IQCB1: variants seen among roughly 807,000 people sequenced by gnomAD.
IQCB1 encodes IQ motif containing B1, also known as IQ calmodulin-binding motif-containing protein 1.
Under a neutral mutation model 84.4 loss-of-function variants are expected in IQCB1, and 56 were observed. The observed-to-expected ratio is 0.66, with a 90% CI of 0.54 to 0.83. The LOEUF (loss-of-function observed/expected upper bound fraction) is 0.83. IQCB1 is among the 40% of genes least tolerant of loss of function. IQCB1 has a pLI of 0.00. For missense variants in IQCB1, 629 were observed against 682.1 expected, an observed-to-expected ratio of 0.92 and a Z score of 0.87; for synonymous variants, 210 against 234.8, an observed-to-expected ratio of 0.89 and a Z score of 0.96.
At chr3:121,828,159 C>T (rs892194597) in intron 4 of IQCB1, among the ~76,000 whole-genome samples, 1 of 152,038 alleles carries the variant, frequency 6.6e-6, no homozygotes, top group Non-Finnish European at 1.5e-5. Context: ...AGGTACAGAG[C>T]CAGTGCCTTA....
At chr3:121,823,478 T>C (rs1251368389) in intron 5 of IQCB1, among the ~76,000 whole-genome samples, 1 of 151,904 alleles carries the variant, frequency 6.6e-6, no homozygotes, top group African/African-American at 2.4e-5. Context: ...GTGCAATATG[T>C]ATAGGAGAAT....
chr3:121,799,207 G>T lies in IQCB1; in HGVS notation c.755C>A (p.Thr252Asn), dbSNP rs1949313476. 6.2e-7 allele frequency: 1 copy of T among 1,607,286 alleles called. No individual in the cohort carries two copies. Among genetic ancestry groups the T allele is most frequent in the African/African-American group, 1.3e-5 (1 of 74,670 alleles). Residue 252 changes from threonine to asparagine, a missense_variant, in exon 8 of 15, where the codon ACC becomes AAC. Thr to Asn is a moderately conservative substitution (Grantham distance 65). Transcript: ENST00000310864. ...QEILILLRQSTCYKGLRRLLS... is the reference protein window; with the variant it reads ...QEILILLRQSNCYKGLRRLLS... Reference sequence around the variant, plus strand: ...AATGAATGTACTACCTTTGTAGCAGGTACTTTGTCTCAGTAAAATCAAAAT... The same window carrying T: ...AATGAATGTACTACCTTTGTAGCAGTTACTTTGTCTCAGTAAAATCAAAAT...
intron 7 of IQCB1, among the ~76,000 whole-genome samples, chr3:121,800,619 T>G (rs551372652): frequency 6.6e-5 from 10 of 152,034 alleles, no homozygotes; most frequent in Admixed American, 2.0e-4. Context: ...GATTAAAAAA[T>G]ATGCTCATCT....
chr3:121,774,354 T>C lies in IQCB1; in HGVS notation c.1411-1641A>G, dbSNP rs143494198. Among the ~76,000 whole-genome samples, 4 of 152,324 alleles carry C rather than the reference T, an allele frequency of 2.6e-5. No individual in the cohort carries two copies. The East Asian group carries it at 5.8e-4, about 22-fold the overall frequency. On this transcript the variant is annotated intron_variant, in intron 13 of 14. Transcript: ENST00000310864. ...TAGAAATGTAAAATGGTACAGCCAC[T>C]ATGGAAAACAGTATGGCAGTTCCTC...
In IQCB1 at chr3:121,772,589, G is replaced by A. The variant is rs776858973; in HGVS notation, c.1535C>T (p.Ala512Val). 1.1e-5 allele frequency: 18 copies of A among 1,614,076 alleles called. No homozygotes were observed. The highest frequency in any genetic ancestry group is 1.4e-5 in the Non-Finnish European group (17 of 1,180,038). ...RAQQHREALI[A>V]QISTNVEQLM... ...CTGTTCAACGTTGGTGCTGATCTGT[G>A]CTATCAGAGCTTCTCTGTGCTGCTG... The change falls in exon 14 of 15, where the codon GCA becomes GTA. Residue 512 changes from alanine to valine, a missense_variant. Transcript: ENST00000310864.
At chr3:121,819,066 A>C (rs2108620297) in intron 5 of IQCB1, among the ~76,000 whole-genome samples, 1 of 152,304 alleles carries the variant, frequency 6.6e-6, no homozygotes, top group African/African-American at 2.4e-5. Flanking sequence ...CTAGGGGGTC[A>C]AGGGGAAGGA....
At position 121,808,939 on chromosome 3, in the gene IQCB1, C is replaced by T. The variant is rs748952857; in HGVS notation, c.464G>A (p.Gly155Asp). Residue 155 changes from glycine to aspartate, a missense_variant, in exon 6 of 15, where the codon GGC becomes GAC. Physicochemically the swap from Gly to Asp is moderately conservative, Grantham distance 94. Coordinates refer to ENST00000310864, the MANE Select transcript of IQCB1 (RefSeq NM_001023570.4). ...VTDSLFWLLG[G>D]HVELIQNVLQ... ...ACCATTCTGAATAAGTTCAACATGG[C>T]CTCCCAAAAGCCAGAAGAGAGAATC... 3.1e-6 allele frequency: 5 copies of T among 1,607,190 alleles called. No individual in the cohort carries two copies. Among genetic ancestry groups the T allele is most frequent in the Non-Finnish European group, 4.3e-6 (5 of 1,174,214 alleles).
intron 11 of IQCB1, among the ~76,000 whole-genome samples, chr3:121,788,942 G>A (rs541544399): frequency 9.2e-4 from 140 of 152,208 alleles, no homozygotes; most frequent in African/African-American, 3.3e-3. Flanking sequence ...ATAAAAAGGG[G>A]GGCGTATTTG....
At chr3:121,803,914 C>G (rs924225261) in intron 7 of IQCB1, among the ~76,000 whole-genome samples, 8 of 151,992 alleles carry the variant, frequency 5.3e-5, no homozygotes, top group African/African-American at 1.9e-4. Flanking sequence ...TGTCTTTTAA[C>G]TTTAGTTTTT....
At chr3:121,786,422 A>G (rs1948740935) in intron 12 of IQCB1, among the ~76,000 whole-genome samples, 1 of 151,336 alleles carries the variant, frequency 6.6e-6, no homozygotes, top group Non-Finnish European at 1.5e-5. Flanking sequence ...ACTTTAGCCC[A>G]GGAGTTCAAG....
intron 2 of IQCB1, among the ~76,000 whole-genome samples, chr3:121,830,578 A>C (rs544663330): frequency 1.4e-4 from 22 of 152,330 alleles, no homozygotes; most frequent in Admixed American, 1.3e-3. Flanking sequence ...AAGTAGATAG[A>C]GCGTGTGATC....
chr3:121,823,713 A>C (rs894139937), intron 5 of IQCB1, among the ~76,000 whole-genome samples: 1 of 152,226 alleles, frequency 6.6e-6, no homozygotes, highest in Non-Finnish European at 1.5e-5. Context: ...AGATATGCTA[A>C]AGGAGGTTGT....
chr3:121,798,618 G>GTA (rs1359335809), intron 8 of IQCB1, among the ~76,000 whole-genome samples: 2 of 151,848 alleles, frequency 1.3e-5, no homozygotes, highest in Non-Finnish European at 2.9e-5. Flanking sequence ...TGCATATAAA[G>GTA]TATATGGAAT....
intron 11 of IQCB1, 143 bp downstream of exon 11, chr3:121,789,930 G>A: frequency 1.4e-6 from 1 of 706,610 alleles, no homozygotes; most frequent in Non-Finnish European, 2.5e-6. Context: ...GAACTCAGAA[G>A]ATCTAATAAA....
At chr3:121,805,185 G>A (rs1012305221) in intron 7 of IQCB1, among the ~76,000 whole-genome samples, 5 of 151,984 alleles carry the variant, frequency 3.3e-5, no homozygotes, top group Non-Finnish European at 7.4e-5. Flanking sequence ...TTATTTGCAT[G>A]CCCAGTACTT....
intron 13 of IQCB1, among the ~76,000 whole-genome samples, chr3:121,777,433 G>T (rs1237523853): frequency 6.6e-6 from 1 of 152,108 alleles, no homozygotes; most frequent in Non-Finnish European, 1.5e-5. Context: ...TTAATGCAAT[G>T]GTAAGTTTTT....
At chr3:121,801,810 C>CT (rs5852277) in intron 7 of IQCB1, among the ~76,000 whole-genome samples, 19,034 of 89,812 alleles carry the variant, frequency 0.21, 2,477 homozygotes, top group East Asian at 0.62. Flanking sequence ...GCTGCAAGGC[C>CT]TTTTTTTTTT....
intron 7 of IQCB1, among the ~76,000 whole-genome samples, chr3:121,805,296 AG>A (rs1949563590): frequency 1.3e-5 from 2 of 152,192 alleles, no homozygotes; most frequent in South Asian, 4.1e-4. Context: ...AGATACATGC[AG>A]TACTGCAAGT....
chr3:121,814,807 T>C (rs1949983148), intron 5 of IQCB1, among the ~76,000 whole-genome samples: 1 of 152,200 alleles, frequency 6.6e-6, no homozygotes, highest in Non-Finnish European at 1.5e-5. Flanking sequence ...CCAGACGGAT[T>C]CACAGCTGAA....
Sources: allele counts gnomAD v4.1 joint callset (sites outside exome capture counted in the v4.1 genomes callset), GRCh38; gene constraint gnomAD v4.1.1; transcripts MANE v1.5; gene names NCBI Gene and HGNC (gene_info 2026-07-23, HGNC 2026-07-21).